SYTL2: variants seen among roughly 807,000 people sequenced by gnomAD.
SYTL2 encodes the protein synaptotagmin-like protein 2.
SYTL2 carries 165 observed loss-of-function variants against 198.7 expected under a neutral mutation model. The ratio of observed to expected loss-of-function variants is 0.83; its 90% confidence interval spans 0.73 to 0.94. The LOEUF is 0.94. SYTL2 is among the 40% of genes least tolerant of loss of function. The pLI is 0.00. For synonymous variants in SYTL2, 966 were observed against 917.7 expected (o/e 1.05, Z -0.95); for missense variants, 2,835 against 2,582.8 (o/e 1.10, Z -2.12).
At chr11:85,713,410 C>T (rs945375224) in intron 12 of SYTL2, among the ~76,000 whole-genome samples, 6 of 152,198 alleles carry the variant, frequency 3.9e-5, no homozygotes, top group African/African-American at 1.2e-4. Context: ...ACCGATACCC[C>T]ACAACCTCAC....
At chr11:85,825,953 A>C in the SYTL2 span, among the ~76,000 whole-genome samples, 1 of 152,272 alleles carries the variant, frequency 6.6e-6, no homozygotes, top group Non-Finnish European at 1.5e-5. Flanking sequence ...TTAGCAGCAT[A>C]GCAACTGCCA....
At chr11:85,745,988 G>A (rs2091131844) in intron 3 of SYTL2, among the ~76,000 whole-genome samples, 1 of 152,134 alleles carries the variant, frequency 6.6e-6, no homozygotes, top group Non-Finnish European at 1.5e-5. Context: ...AGTCTCTTGA[G>A]AGAATGAGCA....
intron 2 of SYTL2, among the ~76,000 whole-genome samples, chr11:85,753,887 A>G (rs575192701): frequency 8.7e-4 from 132 of 152,206 alleles, no homozygotes; most frequent in African/African-American, 3.0e-3. Flanking sequence ...GAATGGCAAC[A>G]TTTCCATTTG....
intron 1 of SYTL2, among the ~76,000 whole-genome samples, chr11:85,767,196 G>C (rs2092259941): frequency 6.6e-6 from 1 of 152,218 alleles, no homozygotes; most frequent in Non-Finnish European, 1.5e-5. Flanking sequence ...TTGCGTGGAT[G>C]AGGAATCTGT....
Position 85,727,223 on chromosome 11 carries a change from A to T in SYTL2, c.2135T>A (p.Val712Glu), listed in dbSNP as rs1044562117. Residue 712 changes from valine (V) to glutamate (E), a missense_variant, in exon 8 of 20, where the codon GTG (valine) becomes GAG (glutamate). This residue lies in a region of SYTL2 where 2,645 missense variants were observed against 2,381.7 expected (regional missense o/e 1.11). Transcript: ENST00000359152. The stretch of plus-strand genomic sequence containing the variant: ...GACAACTGTTGAAGAGTCAAAATTC[A>T]CTTCTGAGTGTCCTCTATTTTCTTC... The part of the protein sequence containing the change: ...AHEENRGHSE[V>E]NFDSSTVVKE... 2.0e-6 allele frequency: 3 copies of T among 1,536,036 alleles called. No individual in the cohort carries two copies. The African/African-American group carries it at 4.1e-5, about 21-fold the overall frequency.
chr11:85,716,692 T>TCACACACACACA, intron 11 of SYTL2: 1 of 62,088 alleles, frequency 1.6e-5, no homozygotes, highest in East Asian at 6.0e-4. Context: ...AGCTAAAAAA[T>TCACACACACACA]CATACACACA....
intron 1 of SYTL2, among the ~76,000 whole-genome samples, chr11:85,759,646 C>A (rs1316908607): frequency 1.3e-5 from 2 of 152,196 alleles, no homozygotes; most frequent in Admixed American, 6.5e-5. Flanking sequence ...ATGTCTCTTT[C>A]TGATCTCCCC....
the SYTL2 span, among the ~76,000 whole-genome samples, chr11:85,830,587 AAG>A: frequency 0.14 from 21,338 of 152,082 alleles, 1,758 homozygotes; most frequent in Middle Eastern, 0.19. Context: ...TTCAGCTCAC[AAG>A]AGTTTGCTCA....
intron 1 of SYTL2, among the ~76,000 whole-genome samples, chr11:85,767,202 T>C (rs959595996): frequency 6.6e-6 from 1 of 152,190 alleles, no homozygotes; most frequent in Non-Finnish European, 1.5e-5. Flanking sequence ...GGATGAGGAA[T>C]CTGTGATGAA....
chr11:85,805,826 C>A (rs1438742963), intron 1 of SYTL2, among the ~76,000 whole-genome samples: 1 of 152,234 alleles, frequency 6.6e-6, no homozygotes, highest in African/African-American at 2.4e-5. Flanking sequence ...CTACCTACCC[C>A]CAAATATTTA....
At chr11:85,848,412 T>G in the SYTL2 span, among the ~76,000 whole-genome samples, 1 of 152,166 alleles carries the variant, frequency 6.6e-6, no homozygotes, top group East Asian at 1.9e-4. Flanking sequence ...ATTTTTTGTC[T>G]TATTCTAGAA....
intron 16 of SYTL2, 107 bp downstream of exon 16, chr11:85,704,751 C>T (rs1420871169): frequency 1.2e-6 from 1 of 826,160 alleles, no homozygotes; most frequent in Non-Finnish European, 1.8e-6. Flanking sequence ...TTAAAATTCT[C>T]CCAAACTACA....
intron 1 of SYTL2, among the ~76,000 whole-genome samples, chr11:85,763,788 A>T (rs916099731): frequency 6.6e-6 from 1 of 152,226 alleles, no homozygotes; most frequent in Non-Finnish European, 1.5e-5. Context: ...GGCCCTGATC[A>T]ACAAGAAGGC....
the SYTL2 span, among the ~76,000 whole-genome samples, chr11:85,838,774 G>C: frequency 6.6e-6 from 1 of 152,138 alleles, no homozygotes; most frequent in African/African-American, 2.4e-5. Flanking sequence ...GATTTGGATG[G>C]GGATAAATAT....
chr11:85,814,684 A>T (rs2093059470), upstream of SYTL2, among the ~76,000 whole-genome samples: 1 of 152,194 alleles, frequency 6.6e-6, no homozygotes, highest in South Asian at 2.1e-4. Flanking sequence ...ACACCACCCA[A>T]CACCACCTGT....
intron 14 of SYTL2, among the ~76,000 whole-genome samples, 160 bp downstream of exon 14, chr11:85,709,171 A>AGCATT (rs1565874560): frequency 6.6e-6 from 1 of 152,108 alleles, no homozygotes; most frequent in African/African-American, 2.4e-5. Context: ...AATGTTTGAC[A>AGCATT]TATGAATTTA....
intron 1 of SYTL2, among the ~76,000 whole-genome samples, chr11:85,781,685 G>A (rs2092562364): frequency 6.6e-6 from 1 of 152,222 alleles, no homozygotes; most frequent in Admixed American, 6.5e-5. Flanking sequence ...AATGGGAAAA[G>A]TTGGCAGAAA....
chr11:85,713,211 G>A (rs1389443857), intron 12 of SYTL2, among the ~76,000 whole-genome samples: 5 of 152,198 alleles, frequency 3.3e-5, no homozygotes, highest in African/African-American at 1.2e-4. Context: ...CCAGGCCAGT[G>A]ACAGAATATA....
intron 15 of SYTL2, 28 bp from the exon 16 acceptor site, chr11:85,705,056 A>G (rs763515794): frequency 1.5e-5 from 24 of 1,553,650 alleles, no homozygotes; most frequent in Non-Finnish European, 2.0e-5. Flanking sequence ...AAATTAAATG[A>G]TGAAAAACAT....
Sources: gnomAD v4.1 joint callset for allele counts (sites outside exome capture counted in the v4.1 genomes callset) on GRCh38, gnomAD v4.1.1 for gene constraint, gnomAD v4.1.1 regional missense constraint, MANE v1.5 for transcripts, NCBI Gene and HGNC (gene_info 2026-07-23, HGNC 2026-07-21) for gene names.